Variants in ME1 observed in about 807,000 individuals in gnomAD.
ME1 encodes the protein malic enzyme 1, also known as NADP-dependent malic enzyme.
A neutral mutation model predicts 66.4 loss-of-function variants in ME1; 74 were observed. The ratio of observed to expected loss-of-function variants is 1.11; its 90% CI spans 0.92 to 1.35. The LOEUF (loss-of-function observed/expected upper bound fraction) is 1.35, where lower values mean the gene tolerates loss of function less well. Among genes scored for constraint, ME1 ranks in the 40% most tolerant of loss-of-function variants. The pLI is 0.00. For missense variants in ME1, 750 were observed against 694.1 expected, an observed-to-expected ratio of 1.08 and a Z score of -0.90; for synonymous variants, 251 against 235.6, an observed-to-expected ratio of 1.07 and a Z score of -0.60.
chr6:83,397,648 A>G (rs1028737534), intron 3 of ME1, among the ~76,000 whole-genome samples: 7 of 152,216 alleles, frequency 4.6e-5, no homozygotes, highest in African/African-American at 1.7e-4. Context: ...AAATGAAATC[A>G]GTATGTCTAG....
At chr6:83,303,878 T>C (rs1176294148) in intron 6 of ME1, among the ~76,000 whole-genome samples, 1 of 152,144 alleles carries the variant, frequency 6.6e-6, no homozygotes, top group Non-Finnish European at 1.5e-5. Flanking sequence ...TAACAACCTC[T>C]GAGTAATTTT....
chr6:83,388,708 T>C (rs977475913), intron 3 of ME1, among the ~76,000 whole-genome samples: 3 of 152,232 alleles, frequency 2.0e-5, no homozygotes, highest in Non-Finnish European at 4.4e-5. Context: ...AACTTTTTGG[T>C]GAACCAAAAG....
At chr6:83,245,116 TAAG>T (rs1790593765) in intron 7 of ME1, among the ~76,000 whole-genome samples, 1 of 151,020 alleles carries the variant, frequency 6.6e-6, no homozygotes, top group Non-Finnish European at 1.5e-5. Context: ...GAAGCTTAGA[TAAG>T]AAAAGGAAGA....
At chr6:83,301,330 CTCTCTCTCTT>C (rs1307383066) in intron 6 of ME1, among the ~76,000 whole-genome samples, 21 of 139,956 alleles carry the variant, frequency 1.5e-4, no homozygotes, top group East Asian at 4.1e-4. Context: ...CTCTCTCTCT[CTCTCTCTCTT>C]TCTTTCTTTC....
rs1410506041 is a variant in ME1, at chr6:83,211,692, A to G, written c.*232T>C. ...GTACAACAGCTTTTAAAGAGAACGT[A>G]GGCAGAATAATTCAGACAGAAACCA... On this transcript the variant is annotated 3_prime_UTR_variant, in exon 14 of 14. Transcript: ENST00000369705. 3.0e-6 allele frequency: 1 copy of G among 332,938 alleles called. No individual in the cohort carries two copies. The highest frequency in any genetic ancestry group is 2.1e-5 in the African/African-American group (1 of 47,120). The allele number at this position is 332,938 out of a possible 1,614,324, so 20.6% of individuals were successfully genotyped here.
At position 83,352,061 on chromosome 6, in the gene ME1, T is replaced by A. The variant is rs750761002; in HGVS notation, c.438+3A>T. On this transcript the variant is annotated splice_donor_region_variant and intron_variant, in intron 4 of 13. Coordinates refer to ENST00000369705, the MANE Select transcript of ME1 (RefSeq NM_002395.6). ...GCTATAGTGGAAAAACATGATAACTTACCTTGATGACATCTTCTGGCCATG... is the reference window on the plus strand; with the variant it reads ...GCTATAGTGGAAAAACATGATAACTAACCTTGATGACATCTTCTGGCCATG... The A allele has an allele frequency of 8.2e-6, 13 of 1,591,398 alleles. No homozygotes were observed. The highest frequency in any genetic ancestry group is 1.0e-5 in the Non-Finnish European group (12 of 1,167,552).
chr6:83,347,875 ATAATTTG>A (rs1768718455), intron 4 of ME1, among the ~76,000 whole-genome samples: 1 of 152,204 alleles, frequency 6.6e-6, no homozygotes, highest in Admixed American at 6.5e-5. Context: ...GAGAACTGAA[ATAATTTG>A]CCTAAAGTGA....
intron 6 of ME1, among the ~76,000 whole-genome samples, chr6:83,294,418 C>T (rs188660021): frequency 5.3e-5 from 8 of 152,212 alleles, no homozygotes; most frequent in East Asian, 1.9e-4. Context: ...ATATTCTATC[C>T]GAGCTTGCAG....
intron 6 of ME1, among the ~76,000 whole-genome samples, chr6:83,288,205 T>C (rs879917106): frequency 2.6e-5 from 4 of 152,154 alleles, no homozygotes; most frequent in Non-Finnish European, 5.9e-5. Flanking sequence ...TTGCTTTTGG[T>C]GTTTTAGACA....
At chr6:83,390,658 G>C (rs1170624109) in intron 3 of ME1, among the ~76,000 whole-genome samples, 3 of 152,042 alleles carry the variant, frequency 2.0e-5, no homozygotes, top group Non-Finnish European at 4.4e-5. Context: ...GTCATGAAGA[G>C]ATCATACAGA....
At chr6:83,374,406 G>T (rs56293102) in intron 3 of ME1, among the ~76,000 whole-genome samples, 1 of 152,094 alleles carries the variant, frequency 6.6e-6, no homozygotes, top group South Asian at 2.1e-4. Context: ...CTTCCTTTGA[G>T]AAGTGTCTGT....
rs1050774192 is a variant in ME1, at chr6:83,211,329, A to G, written c.*595T>C. On this transcript the variant is annotated 3_prime_UTR_variant, in exon 14 of 14. Coordinates refer to ENST00000369705, the MANE Select transcript of ME1 (RefSeq NM_002395.6). ...TGAGATGTAACAATGACAAAAGAAT[A>G]TTAAAATCTAAGGCTGCACAAGGCG... 2 of 152,650 alleles carry G rather than the reference A, an allele frequency of 1.3e-5. No individual in the cohort carries two copies. The highest frequency in any genetic ancestry group is 2.9e-5 in the Non-Finnish European group (2 of 68,040). The allele number at this position is 152,650 out of a possible 1,614,324, so 9.5% of individuals were successfully genotyped here.
intron 2 of ME1, 104 bp from the exon 3 acceptor site, chr6:83,398,620 T>C (rs1227684452): frequency 5.0e-6 from 3 of 598,256 alleles, no homozygotes; most frequent in Non-Finnish European, 8.5e-6. Flanking sequence ...TACATTTAGG[T>C]TACATAGAAA....
intron 6 of ME1, among the ~76,000 whole-genome samples, chr6:83,296,087 T>C (rs1026184218): frequency 2.6e-5 from 4 of 152,088 alleles, no homozygotes; most frequent in African/African-American, 9.7e-5. Flanking sequence ...TTCTATCAAA[T>C]GTACAAAGAA....
intron 6 of ME1, among the ~76,000 whole-genome samples, chr6:83,267,431 A>G (rs1339664136): frequency 6.6e-6 from 1 of 152,176 alleles, no homozygotes; most frequent in Non-Finnish European, 1.5e-5. Flanking sequence ...GGTTTTGAAA[A>G]AGTCTGACCC....
rs148639778 is a variant in ME1 at position 83,273,075 on chromosome 6, G to T, written c.705-19337C>A. ...ACCTGTAATCCCAGCTACTCGGGAG[G>T]CTGAGGCAGAAGAATTGCTTGAACC... On this transcript the variant is annotated intron_variant, in intron 6 of 13. Transcript: ENST00000369705. Among the ~76,000 whole-genome samples the T allele has an allele frequency of 5.7e-3, 864 of 151,416 alleles. 9 individuals are homozygous for T. Among genetic ancestry groups the T allele is most frequent in the African/African-American group, 0.02 (824 of 41,172 alleles).
At chr6:83,327,857 TC>T (rs979835695) in intron 5 of ME1, among the ~76,000 whole-genome samples, 4 of 152,136 alleles carry the variant, frequency 2.6e-5, no homozygotes, top group Non-Finnish European at 5.9e-5. Flanking sequence ...ATGTGATGTC[TC>T]CCCCGGATGC....
chr6:83,322,202 C>G (rs1357787070), intron 5 of ME1, among the ~76,000 whole-genome samples: 4 of 152,144 alleles, frequency 2.6e-5, no homozygotes, highest in Non-Finnish European at 5.9e-5. Context: ...CAGCAAAAAC[C>G]AGCACAAAAA....
intron 3 of ME1, among the ~76,000 whole-genome samples, chr6:83,383,906 C>G (rs1769454206): frequency 6.6e-6 from 1 of 151,752 alleles, no homozygotes; most frequent in Non-Finnish European, 1.5e-5. Flanking sequence ...TTTACCATAG[C>G]AAAGATAAAA....
Sources: gnomAD v4.1 joint callset for allele counts (sites outside exome capture counted in the v4.1 genomes callset) on GRCh38, gnomAD v4.1.1 for gene constraint, MANE v1.5 for transcripts, NCBI Gene and HGNC (gene_info 2026-07-23, HGNC 2026-07-21) for gene names.